Variants in CHD1L observed in about 807,000 individuals in gnomAD.
CHD1L encodes the protein ATP-dependent chromatin remodeler CHD1L.
In CHD1L, 118 loss-of-function variants were observed where a neutral mutation model predicts 115.9. The ratio of observed to expected loss-of-function variants is 1.02; its 90% CI spans 0.88 to 1.19. CHD1L has a LOEUF of 1.19. CHD1L is among the 50% of genes most tolerant of loss of function. The pLI, the probability that CHD1L is intolerant of heterozygous loss-of-function variation, is 0.00. For missense variants in CHD1L, 1,179 were observed against 1,065.3 expected (o/e 1.11, Z -1.49); for synonymous variants, 411 against 387.1 (o/e 1.06, Z -0.72).
intron 5 of CHD1L, 192 bp from the exon 6 acceptor site, chr1:147,259,645 G>T: frequency 1.1e-5 from 5 of 468,362 alleles, no homozygotes; most frequent in Non-Finnish European, 1.9e-5. Flanking sequence ...AAATCCCTTG[G>T]TTTTACTACC....
intron 9 of CHD1L, 61 bp downstream of exon 9, chr1:147,267,579 A>G: frequency 7.6e-7 from 1 of 1,321,420 alleles, no homozygotes; most frequent in South Asian, 1.3e-5. Context: ...GCCAAATCAT[A>G]CCAAAATTCT....
chr1:147,229,607 C>T, the CHD1L span, among the ~76,000 whole-genome samples: 10 of 152,222 alleles, frequency 6.6e-5, no homozygotes, highest in Non-Finnish European at 1.3e-4. Flanking sequence ...GGCAGTATGG[C>T]CATTTTCATG....
intron 9 of CHD1L, 63 bp downstream of exon 9, chr1:147,267,581 C>G (rs1364477690): frequency 2.4e-5 from 29 of 1,216,614 alleles, no homozygotes; most frequent in Non-Finnish European, 3.4e-5. Flanking sequence ...CAAATCATAC[C>G]AAAATTCTTC....
the CHD1L span, chr1:147,201,461 G>C: frequency 1.9e-6 from 3 of 1,613,930 alleles, no homozygotes; most frequent in Non-Finnish European, 2.5e-6. Context: ...GAAATGATAC[G>C]ATTTGGCAGG....
intron 11 of CHD1L, 72 bp from the exon 12 acceptor site, chr1:147,272,099 G>A (rs990665062): frequency 4.5e-6 from 6 of 1,342,594 alleles, no homozygotes; most frequent in African/African-American, 4.4e-5. Context: ...TTTGGTTTTG[G>A]GCTTAATTTT....
intron 18 of CHD1L, among the ~76,000 whole-genome samples, chr1:147,287,034 G>A (rs1193902204): frequency 6.6e-6 from 1 of 152,096 alleles, no homozygotes; most frequent in Admixed American, 6.5e-5. Context: ...TGTCCCACCT[G>A]ACACATTACC....
At chr1:147,223,100 T>C in the CHD1L span, among the ~76,000 whole-genome samples, 328 of 152,298 alleles carry the variant, frequency 2.2e-3, 2 homozygotes, top group Non-Finnish European at 3.1e-3. Flanking sequence ...GAAACACAGG[T>C]ACAGAGAAGC....
chr1:147,204,835 A>G, the CHD1L span: 1 of 1,602,878 alleles, frequency 6.2e-7, no homozygotes, highest in South Asian at 1.1e-5. Flanking sequence ...GCAAGCTTGT[A>G]TGTTTCTATA....
chr1:147,247,095 T>C (rs1666868453), intron 1 of CHD1L, among the ~76,000 whole-genome samples: 2 of 152,192 alleles, frequency 1.3e-5, no homozygotes, highest in Non-Finnish European at 2.9e-5. Context: ...GAAAGAAGTG[T>C]GTTGTCTAGT....
rs782239593 is a variant in CHD1L at position 147,287,772 on chromosome 1, AAGAG to A, written c.2320+43_2320+46del. 3.9e-6 allele frequency: 6 copies of A among 1,540,970 alleles called. No homozygotes were observed. The East Asian group carries it at 6.7e-5, about 17-fold the overall frequency. On this transcript the variant is annotated intron_variant, in intron 19 of 22. Coordinates refer to ENST00000369258, the MANE Select transcript of CHD1L (RefSeq NM_004284.6). The stretch of plus-strand genomic sequence containing the variant: ...CAGAGGGAAAGGTTAAGGGTGGAAT[AAGAG>A]AGAAGAGGACACCTAAGACTGTATC...
intron 19 of CHD1L, among the ~76,000 whole-genome samples, chr1:147,288,517 C>CA (rs1488146273): frequency 1.3e-5 from 2 of 151,340 alleles, no homozygotes; most frequent in East Asian, 2.0e-4. Flanking sequence ...CCTGTCTCTA[C>CA]AAAAAAATAC....
rs139966100 is a variant in CHD1L at position 147,284,410 on chromosome 1, A to C, written c.1765A>C (p.Arg589=). The part of the protein sequence containing the change: ...DYSKEPSKED[R]KSFEQLVNLQ... ...TTCTAAAGAGCCCAGTAAGGAAGAC[A>C]GAAAATCATTTGAACAACTGGTAAA... Residue 589 remains arginine, a synonymous_variant, in exon 16 of 23, where the codon AGA becomes CGA. Transcript: ENST00000369258. The C allele has an allele frequency of 2.1e-5, 34 of 1,611,426 alleles. No individual in the cohort carries two copies. The African/African-American group carries it at 2.9e-4, about 14-fold the overall frequency.
Position 147,275,793 on chromosome 1 carries a change from A to AAAAG in CHD1L, c.1386-305_1386-302dup, listed in dbSNP as rs1553957282. On this transcript the variant is annotated intron_variant, in intron 13 of 22. Transcript: ENST00000369258. ...CTATGGAGCTAAGCTAAAAAAAAAA[A>AAAAG]AAAGAAAGATAGATGTTGCCCTTTG... 6.6e-3 allele frequency among the ~76,000 whole-genome samples: 999 copies of AAAAG among 151,538 alleles called. 7 individuals carry two copies. The highest frequency in any genetic ancestry group is 0.01 in the Middle Eastern group (3 of 294).
chr1:147,278,351 A>C (rs1679413771), intron 14 of CHD1L, among the ~76,000 whole-genome samples: 1 of 146,746 alleles, frequency 6.8e-6, no homozygotes, highest in Admixed American at 7.0e-5. Context: ...CAGCCTCCTG[A>C]GTAGCTGGGA....
chr1:147,247,398 T>G (rs1666961105), intron 1 of CHD1L, among the ~76,000 whole-genome samples: 1 of 152,036 alleles, frequency 6.6e-6, no homozygotes, highest in African/African-American at 2.4e-5. Context: ...GTGACTGACT[T>G]CTTACTTACT....
At chr1:147,230,641 G>A in the CHD1L span, among the ~76,000 whole-genome samples, 16 of 133,240 alleles carry the variant, frequency 1.2e-4, no homozygotes, top group Non-Finnish European at 2.3e-4. Flanking sequence ...TCTGGTCCTG[G>A]ACTTTTTTTG....
At chr1:147,252,299 T>C (rs1475295296) in intron 1 of CHD1L, among the ~76,000 whole-genome samples, 1 of 152,202 alleles carries the variant, frequency 6.6e-6, no homozygotes, top group African/African-American at 2.4e-5. Flanking sequence ...CAGTAATGCC[T>C]CATTTCCCAG....
intron 10 of CHD1L, among the ~76,000 whole-genome samples, 160 bp downstream of exon 10, chr1:147,269,038 A>G (rs782234463): frequency 6.6e-6 from 1 of 151,454 alleles, no homozygotes; most frequent in Non-Finnish European, 1.5e-5. Flanking sequence ...ACCCCATTCT[A>G]TCCCACTCCA....
the CHD1L span, chr1:147,224,057 T>G: frequency 2.6e-6 from 1 of 392,042 alleles, no homozygotes; most frequent in Non-Finnish European, 5.0e-6. Flanking sequence ...GCTGGTTGTC[T>G]TCCTGCCTGC....
Sources: allele counts gnomAD v4.1 joint callset (sites outside exome capture counted in the v4.1 genomes callset), GRCh38; gene constraint gnomAD v4.1.1; transcripts MANE v1.5; gene names NCBI Gene and HGNC (gene_info 2026-07-23, HGNC 2026-07-21).